Variants in NPAS3 observed in about 807,000 individuals in gnomAD.
The protein encoded by NPAS3 is neuronal PAS domain protein 3.
NPAS3 carries 14 observed loss-of-function variants against 73.1 expected under a neutral mutation model. The observed-to-expected ratio is 0.19, with a 90% CI of 0.13 to 0.30. NPAS3 has a LOEUF of 0.30. NPAS3 is among the 10% of genes least tolerant of loss of function. The pLI is 1.00. For synonymous variants in NPAS3, 620 were observed against 541.5 expected, an observed-to-expected ratio of 1.14 and a Z score of -2.01; for missense variants, 1,096 against 1,250.0, an observed-to-expected ratio of 0.88 and a Z score of 1.86.
chr14:33,411,003 A>G (rs567077796), intron 4 of NPAS3, among the ~76,000 whole-genome samples: 81 of 152,218 alleles, frequency 5.3e-4, no homozygotes, highest in Non-Finnish European at 8.5e-4. Flanking sequence ...GTGGCTTTCA[A>G]TGATATAGCC....
intron 3 of NPAS3, among the ~76,000 whole-genome samples, chr14:33,327,606 C>A (rs557087516): frequency 6.6e-6 from 1 of 152,180 alleles, no homozygotes. Flanking sequence ...CACAGGCAGT[C>A]TAGAAGGATT....
chr14:33,425,073 T>G (rs903838124), intron 4 of NPAS3, among the ~76,000 whole-genome samples: 1 of 151,860 alleles, frequency 6.6e-6, no homozygotes, highest in Non-Finnish European at 1.5e-5. Context: ...AAAGAGTGTT[T>G]CGGGAAAAAC....
intron 2 of NPAS3, among the ~76,000 whole-genome samples, chr14:33,205,962 C>T (rs2046806230): frequency 6.6e-6 from 1 of 151,976 alleles, no homozygotes; most frequent in Non-Finnish European, 1.5e-5. Flanking sequence ...ATTTGAATTC[C>T]AAAGCAATTT....
intron 5 of NPAS3, among the ~76,000 whole-genome samples, chr14:33,642,474 T>C (rs2058700905): frequency 6.6e-6 from 1 of 152,212 alleles, no homozygotes; most frequent in South Asian, 2.1e-4. Flanking sequence ...GTTTAATCTT[T>C]CTTATGGCAC....
At chr14:33,529,790 G>A (rs1381111582) in intron 4 of NPAS3, among the ~76,000 whole-genome samples, 5 of 151,712 alleles carry the variant, frequency 3.3e-5, no homozygotes, top group African/African-American at 4.8e-5. Flanking sequence ...TCAACTCTAT[G>A]AAGTTTCAGC....
intron 2 of NPAS3, among the ~76,000 whole-genome samples, chr14:33,210,106 T>C (rs1407580723): frequency 6.6e-6 from 1 of 152,232 alleles, no homozygotes; most frequent in Non-Finnish European, 1.5e-5. Flanking sequence ...ATTTCCATAA[T>C]CATTATAACC....
intron 7 of NPAS3, among the ~76,000 whole-genome samples, chr14:33,746,265 T>G (rs915127471): frequency 6.6e-6 from 1 of 151,918 alleles, no homozygotes; most frequent in African/African-American, 2.4e-5. Flanking sequence ...CTCAGCTCAC[T>G]GCAACCTCTG....
intron 3 of NPAS3, among the ~76,000 whole-genome samples, chr14:33,357,431 G>T (rs1189483888): frequency 6.6e-6 from 1 of 152,152 alleles, no homozygotes; most frequent in South Asian, 2.1e-4. Flanking sequence ...CAGTTGGCTC[G>T]CAGGGTTTGT....
intron 1 of NPAS3, among the ~76,000 whole-genome samples, chr14:32,950,947 C>A (rs1049226479): frequency 3.9e-5 from 6 of 151,996 alleles, no homozygotes; most frequent in African/African-American, 1.2e-4. Context: ...CAACAATGGG[C>A]AGGCAAAAAG....
chr14:33,513,104 C>T (rs753842283), intron 4 of NPAS3, among the ~76,000 whole-genome samples: 8 of 151,958 alleles, frequency 5.3e-5, no homozygotes, highest in African/African-American at 9.7e-5. Context: ...AAAAAGGAGA[C>T]GTTAGGACCG....
chr14:33,607,010 A>G (rs373469295), intron 5 of NPAS3, among the ~76,000 whole-genome samples: 18 of 152,348 alleles, frequency 1.2e-4, no homozygotes, highest in African/African-American at 4.3e-4. Flanking sequence ...ATGCAGATTA[A>G]AACTACAGTG....
chr14:33,557,141 C>G (rs1186354385), intron 4 of NPAS3, among the ~76,000 whole-genome samples: 3 of 151,692 alleles, frequency 2.0e-5, no homozygotes, highest in African/African-American at 7.3e-5. Flanking sequence ...AAGGAAATAT[C>G]TCTCCCCTTG....
At chr14:33,348,039 G>A (rs1160236687) in intron 3 of NPAS3, among the ~76,000 whole-genome samples, 1 of 152,104 alleles carries the variant, frequency 6.6e-6, no homozygotes. Context: ...TTTCCTGCAG[G>A]GGGAGAGAGG....
chr14:33,686,953 A>G (rs1595440331), intron 6 of NPAS3, among the ~76,000 whole-genome samples: 1 of 152,318 alleles, frequency 6.6e-6, no homozygotes, highest in East Asian at 1.9e-4. Context: ...AACAGAGAAG[A>G]CCAGAAACAA....
chr14:33,534,184 G>T (rs1253202823), intron 4 of NPAS3, among the ~76,000 whole-genome samples: 1 of 147,638 alleles, frequency 6.8e-6, no homozygotes, highest in African/African-American at 2.5e-5. Flanking sequence ...GCAAATTTCT[G>T]CTATGTGTGG....
exon 1 of NPAS3, chr14:32,939,328 C>T (rs1209609884): frequency 1.4e-6 from 1 of 736,262 alleles, no homozygotes; most frequent in South Asian, 1.4e-5. Flanking sequence ...TGGCGCCCAC[C>T]AAGCCCAGCT....
chr14:33,178,369 G>A (rs573488017), intron 2 of NPAS3, among the ~76,000 whole-genome samples: 46 of 152,158 alleles, frequency 3.0e-4, no homozygotes, highest in African/African-American at 9.6e-4. Flanking sequence ...CACCGCACCC[G>A]GCCGAAGTGA....
intron 3 of NPAS3, among the ~76,000 whole-genome samples, chr14:33,268,160 C>T (rs1443369994): frequency 2.6e-5 from 4 of 152,036 alleles, no homozygotes; most frequent in African/African-American, 9.7e-5. Context: ...CATTAAAGCC[C>T]CTTCTCTTGT....
Position 33,448,797 on chromosome 14 carries a change from A to G in NPAS3, c.468+81529A>G, listed in dbSNP as rs2049644389. Among the ~76,000 whole-genome samples, 5 of 152,294 alleles carry G rather than the reference A, an allele frequency of 3.3e-5. No individual in the cohort carries two copies. The South Asian group carries it at 1.0e-3, about 32-fold the overall frequency. On this transcript the variant is annotated intron_variant, in intron 4 of 11. Transcript: ENST00000356141. The stretch of plus-strand genomic sequence containing the variant: ...TGCTGTCCCTCTTCCAAATGTCCGT[A>G]CAGATGTGAATGAAAAATAGCAGCA...
Sources: gnomAD v4.1 joint callset for allele counts (sites outside exome capture counted in the v4.1 genomes callset) on GRCh38, gnomAD v4.1.1 for gene constraint, MANE v1.5 for transcripts, NCBI Gene and HGNC (gene_info 2026-07-23, HGNC 2026-07-21) for gene names.